RYR1: variants seen among roughly 807,000 people sequenced by gnomAD.
RYR1 encodes central core disease of muscle.
RYR1 carries 342 observed loss-of-function variants against 583.5 expected under a neutral mutation model. That is an observed-to-expected ratio of 0.59 (90% CI 0.54 to 0.64). The LOEUF (loss-of-function observed/expected upper bound fraction) is 0.64, where lower values mean the gene tolerates loss of function less well. RYR1 is among the 30% of genes least tolerant of loss of function. The pLI, the probability that RYR1 is intolerant of heterozygous loss-of-function variation, is 0.00. For synonymous variants in RYR1, 2,791 were observed against 2,822.5 expected (o/e 0.99, Z 0.35); for missense variants, 6,032 against 6,917.2 (o/e 0.87, Z 4.54).
intron 96 of RYR1, among the ~76,000 whole-genome samples, chr19:38,574,724 C>T (rs962173323): frequency 3.3e-5 from 5 of 151,930 alleles, no homozygotes; most frequent in South Asian, 2.1e-4. Context: ...AATCAATCAT[C>T]GCTCCACCCT....
intron 26 of RYR1, 23 bp downstream of exon 26, chr19:38,469,163 A>C: frequency 6.2e-7 from 1 of 1,613,812 alleles, no homozygotes; most frequent in Non-Finnish European, 8.5e-7. Flanking sequence ...ACCCCTTCAC[A>C]TGCCCTTTCT....
At chr19:38,495,196 G>A (rs958791094) in intron 39 of RYR1, among the ~76,000 whole-genome samples, 1 of 152,074 alleles carries the variant, frequency 6.6e-6, no homozygotes, top group Non-Finnish European at 1.5e-5. Flanking sequence ...CTGTAAAACC[G>A]GGGAGAGCCA....
At chr19:38,548,480 A>C (rs566868995) in intron 89 of RYR1, 60 bp downstream of exon 89, 4 of 1,545,832 alleles carry the variant, frequency 2.6e-6, no homozygotes. Flanking sequence ...GGCCAGCCAT[A>C]CCCTTCTGGC....
chr19:38,435,810 A>G (rs1412621573), intron 1 of RYR1, among the ~76,000 whole-genome samples: 2 of 152,096 alleles, frequency 1.3e-5, no homozygotes, highest in Non-Finnish European at 2.9e-5. Flanking sequence ...ACATGCACAC[A>G]TGCATAGACA....
Position 38,489,356 on chromosome 19 carries a change from G to A in RYR1, c.5727G>A (p.Glu1909=). 6.2e-7 allele frequency: 1 copy of A among 1,612,622 alleles called. No homozygotes were observed. The highest frequency in any genetic ancestry group is 1.1e-5 in the South Asian group (1 of 91,038). Residue 1909 remains glutamate (E), a synonymous_variant, in exon 35 of 106, where the codon GAG becomes GAA. Transcript: ENST00000359596. ...AGGAAAAGGAAGATGAGGAAAAAGA[G>A]GAAGAGGAGGCAGCAGAAGGGGAGA... is the stretch of plus-strand genomic sequence containing the variant. The part of the protein sequence containing the change: ...TAQEKEDEEK[E]EEEAAEGEKE...
At chr19:38,467,503 C>G in intron 24 of RYR1, 107 bp from the exon 25 acceptor site, 3 of 1,206,376 alleles carry the variant, frequency 2.5e-6, no homozygotes, top group Non-Finnish European at 3.7e-6. Context: ...TCCAACAGTT[C>G]CCCAAAGCCC....
chr19:38,529,193 C>T (rs1334516899), intron 76 of RYR1, 136 bp downstream of exon 76: 4 of 875,438 alleles, frequency 4.6e-6, no homozygotes, highest in Non-Finnish European at 7.5e-6. Context: ...TTAAATATCA[C>T]TTTGCTGGTC....
At position 38,466,123 on chromosome 19, in the gene RYR1, C is replaced by T. The variant is rs1272027787; in HGVS notation, c.2903C>T (p.Pro968Leu). 7 of 1,612,628 alleles carry T rather than the reference C, an allele frequency of 4.3e-6. No individual in the cohort carries two copies. Among genetic ancestry groups the T allele is most frequent in the African/African-American group, 2.7e-5 (2 of 74,904 alleles). ...YMMSNGYKPA[P>L]LDLSHVRLTP... is the part of the protein sequence containing the mutation. ...ATGAGCAATGGGTACAAGCCGGCTC[C>T]GCTGGACCTGAGCCACGTGCGGCTG... The change falls in exon 24 of 106, where the codon CCG (proline) becomes CTG (leucine). Residue 968 changes from proline to leucine, a missense_variant. By Grantham distance (98) the Pro-to-Leu change is moderately conservative (BLOSUM62 -3). Coordinates refer to ENST00000359596, the MANE Select transcript of RYR1 (RefSeq NM_000540.3).
At chr19:38,535,944 A>G in intron 81 of RYR1, 53 bp from the exon 82 acceptor site, 1 of 1,529,108 alleles carries the variant, frequency 6.5e-7, no homozygotes, top group South Asian at 1.2e-5. Flanking sequence ...CCTGGGAGAG[A>G]GGAGGGCAGA....
At chr19:38,524,782 C>T (rs1001291330) in intron 70 of RYR1, among the ~76,000 whole-genome samples, 2 of 152,124 alleles carry the variant, frequency 1.3e-5, no homozygotes, top group African/African-American at 2.4e-5. Context: ...CTTTGTGGAC[C>T]TGCATCTTTG....
At chr19:38,569,062 G>C (rs925454066) in intron 93 of RYR1, among the ~76,000 whole-genome samples, 4 of 151,926 alleles carry the variant, frequency 2.6e-5, no homozygotes, top group African/African-American at 7.3e-5. Flanking sequence ...CCAGGTTGGA[G>C]TGCAGTGGCA....
chr19:38,532,505 T>TTACC lies in RYR1; in HGVS notation c.11159_11162dup (p.Tyr3722ProfsTer7), dbSNP rs2145736348. ...ACTTCCCCAGCAAACTGGATGAGGATTACCTGTACATGGCCTATGCTGATA... is the reference window on the plus strand; with the variant it reads ...ACTTCCCCAGCAAACTGGATGAGGATTACCTACCTGTACATGGCCTATGCTGATA... On this transcript the variant is annotated frameshift_variant, in exon 77 of 106. Transcript: ENST00000359596. LOFTEE classifies it high-confidence loss of function. 1 of 1,614,148 alleles carries TTACC rather than the reference T, an allele frequency of 6.2e-7. No homozygotes were observed. The highest frequency in any genetic ancestry group is 8.5e-7 in the Non-Finnish European group (1 of 1,180,036).
chr19:38,524,017 C>T, intron 70 of RYR1, 88 bp downstream of exon 70: 1 of 1,502,504 alleles, frequency 6.7e-7, no homozygotes, highest in Non-Finnish European at 9.1e-7. Flanking sequence ...CGAGAAAACC[C>T]CTGCTTCTGT....
intron 89 of RYR1, among the ~76,000 whole-genome samples, chr19:38,551,346 G>C (rs748857853): frequency 6.6e-6 from 1 of 151,846 alleles, no homozygotes; most frequent in East Asian, 1.9e-4. Flanking sequence ...GCCTCCCAGA[G>C]TGCTGGGATT....
intron 95 of RYR1, 83 bp downstream of exon 95, chr19:38,572,353 G>C (rs2145870944): frequency 7.6e-7 from 1 of 1,310,446 alleles, no homozygotes; most frequent in East Asian, 3.0e-5. Context: ...GGCTGGGGCT[G>C]GGGGCCCTCA....
intron 20 of RYR1, among the ~76,000 whole-genome samples, chr19:38,461,100 G>A (rs917962115): frequency 6.6e-6 from 1 of 152,096 alleles, no homozygotes; most frequent in African/African-American, 2.4e-5. Flanking sequence ...GTTGCAATGA[G>A]CCAAGATCGT....
At chr19:38,555,929 T>C (rs984048379) in intron 89 of RYR1, among the ~76,000 whole-genome samples, 4 of 152,080 alleles carry the variant, frequency 2.6e-5, no homozygotes, top group Non-Finnish European at 5.9e-5. Flanking sequence ...AGTGGGGCAA[T>C]CTCAGCTCAC....
At position 38,502,542 on chromosome 19, in the gene RYR1, G is replaced by C. The variant is rs367825019; in HGVS notation, c.7650G>C (p.Leu2550=). Reference sequence around the variant, plus strand: ...GCACCACCGAGATGGCGCTGGCGCTGAACCGCTACCTGTGCCTGGCCGTGC... The same window carrying C: ...GCACCACCGAGATGGCGCTGGCGCTCAACCGCTACCTGTGCCTGGCCGTGC... ...TFSTTEMALA[L]NRYLCLAVLP... The change falls in exon 48 of 106, where the codon CTG becomes CTC. Residue 2550 remains leucine (L), a synonymous_variant. Transcript: ENST00000359596. 3 of 1,610,464 alleles carry C rather than the reference G, an allele frequency of 1.9e-6. No homozygotes were observed. Among genetic ancestry groups the C allele is most frequent in the Admixed American group, 1.7e-5 (1 of 59,958 alleles).
intron 67 of RYR1, among the ~76,000 whole-genome samples, chr19:38,522,455 C>A (rs2945047): frequency 0.21 from 32,466 of 151,652 alleles, 4,196 homozygotes; most frequent in African/African-American, 0.36. Context: ...TAAAATAAAA[C>A]ATTAGCCAGG....
Sources: gnomAD v4.1 joint callset for allele counts (sites outside exome capture counted in the v4.1 genomes callset) on GRCh38, gnomAD v4.1.1 for gene constraint, MANE v1.5 for transcripts, NCBI Gene and HGNC (gene_info 2026-07-23, HGNC 2026-07-21) for gene names.